TENM3: variants seen among roughly 807,000 people sequenced by gnomAD.
The protein encoded by TENM3 is teneurin transmembrane protein 3.
In TENM3, 63 loss-of-function variants were observed where a neutral mutation model predicts 255.1. The ratio of observed to expected loss-of-function variants is 0.25; its 90% CI spans 0.20 to 0.30. TENM3 has a LOEUF of 0.30. Among genes scored for constraint, TENM3 ranks in the 10% least tolerant of loss-of-function variants. The pLI, the probability that TENM3 is intolerant of heterozygous loss-of-function variation, is 1.00. For missense variants in TENM3, 2,929 were observed against 3,461.1 expected (o/e 0.85, Z 3.86); for synonymous variants, 1,306 against 1,322.3 (o/e 0.99, Z 0.27).
chr4:182,185,659 A>G (rs1425534420), intron 1 of TENM3, among the ~76,000 whole-genome samples: 3 of 152,200 alleles, frequency 2.0e-5, no homozygotes, highest in African/African-American at 7.2e-5. Context: ...AAAGTAGCAC[A>G]GAGCACTGTA....
At chr4:182,132,299 G>A in the TENM3 span, among the ~76,000 whole-genome samples, 2 of 151,616 alleles carry the variant, frequency 1.3e-5, no homozygotes, top group African/African-American at 2.4e-5. Context: ...CCAACATGGT[G>A]AAACCCCGTC....
intron 26 of TENM3, among the ~76,000 whole-genome samples, chr4:182,796,321 G>C (rs995165486): frequency 1.3e-5 from 2 of 152,188 alleles, no homozygotes; most frequent in African/African-American, 4.8e-5. Flanking sequence ...TCTCTCTCCT[G>C]CTGCTGTGCA....
intron 24 of TENM3, among the ~76,000 whole-genome samples, chr4:182,780,691 T>C (rs1046102807): frequency 6.6e-6 from 1 of 150,410 alleles, no homozygotes; most frequent in African/African-American, 2.5e-5. Context: ...CCCATGAGCA[T>C]GGAATGTTCT....
chr4:181,657,225 A>C, the TENM3 span, among the ~76,000 whole-genome samples: 1 of 152,236 alleles, frequency 6.6e-6, no homozygotes, highest in African/African-American at 2.4e-5. Context: ...CTGTGGCCAC[A>C]TGAATTTGGG....
At chr4:182,608,981 GC>G (rs1748711949) in intron 4 of TENM3, among the ~76,000 whole-genome samples, 1 of 151,904 alleles carries the variant, frequency 6.6e-6, no homozygotes, top group South Asian at 2.1e-4. Flanking sequence ...GTCGTGGGTG[GC>G]CCCAAGCAAG....
the TENM3 span, among the ~76,000 whole-genome samples, chr4:181,896,666 G>A: frequency 6.6e-6 from 1 of 152,110 alleles, no homozygotes; most frequent in East Asian, 1.9e-4. Context: ...TGACCACTGG[G>A]GTGTATTTGA....
chr4:182,200,656 C>T (rs1232450640), intron 1 of TENM3, among the ~76,000 whole-genome samples: 1 of 152,088 alleles, frequency 6.6e-6, no homozygotes, highest in Non-Finnish European at 1.5e-5. Flanking sequence ...AAATTAGCTC[C>T]TGGCATGGAA....
At chr4:181,641,550 G>GTATATATA in the TENM3 span, among the ~76,000 whole-genome samples, 40 of 49,020 alleles carry the variant, frequency 8.2e-4, 1 homozygote, top group African/African-American at 4.3e-3. Context: ...TCCATGGTGT[G>GTATATATA]TGTGTATATA....
intron 1 of TENM3, among the ~76,000 whole-genome samples, chr4:182,233,403 A>G (rs1407660674): frequency 6.6e-6 from 1 of 152,226 alleles, no homozygotes; most frequent in Non-Finnish European, 1.5e-5. Flanking sequence ...GACGTATGCT[A>G]CAATTTCAGT....
the TENM3 span, among the ~76,000 whole-genome samples, chr4:181,588,335 A>T: frequency 2.0e-5 from 3 of 152,182 alleles, no homozygotes; most frequent in Admixed American, 6.5e-5. Flanking sequence ...TTTTGAAAGG[A>T]TTCGTTGACA....
the TENM3 span, among the ~76,000 whole-genome samples, chr4:181,591,695 C>T: frequency 6.6e-6 from 1 of 152,152 alleles, no homozygotes; most frequent in Non-Finnish European, 1.5e-5. Flanking sequence ...GGAGCACGAG[C>T]CCTATTGCAG....
chr4:181,649,435 T>A, the TENM3 span, among the ~76,000 whole-genome samples: 1 of 152,230 alleles, frequency 6.6e-6, no homozygotes, highest in African/African-American at 2.4e-5. Context: ...AATGACTATT[T>A]CTGTATCGGC....
chr4:182,631,070 C>CT (rs932559839), intron 5 of TENM3, among the ~76,000 whole-genome samples: 32 of 150,858 alleles, frequency 2.1e-4, no homozygotes, highest in Admixed American at 4.6e-4. Flanking sequence ...CAAAATTTTC[C>CT]TTTTTTTTTC....
At chr4:182,366,437 T>A (rs1766435707) in intron 3 of TENM3, among the ~76,000 whole-genome samples, 1 of 151,918 alleles carries the variant, frequency 6.6e-6, no homozygotes. Context: ...ATTATATAGA[T>A]TACATTTAAT....
the TENM3 span, among the ~76,000 whole-genome samples, chr4:181,529,907 C>A: frequency 7.2e-5 from 11 of 152,168 alleles, no homozygotes; most frequent in Non-Finnish European, 1.3e-4. Context: ...ATACAAACTT[C>A]CTATGTGGCC....
chr4:182,354,010 T>A (rs1765362617), intron 3 of TENM3, among the ~76,000 whole-genome samples: 1 of 151,606 alleles, frequency 6.6e-6, no homozygotes, highest in Admixed American at 6.6e-5. Context: ...TCCTAAAAAA[T>A]TTAGTATTAT....
chr4:181,551,848 G>A, the TENM3 span, among the ~76,000 whole-genome samples: 226 of 17,908 alleles, frequency 0.013, 1 homozygote, highest in African/African-American at 0.033. Flanking sequence ...ATGTGTGTGT[G>A]TGTGTGTGTG....
rs545957530 is a variant in TENM3 at position 182,331,726 on chromosome 4, G to T, written c.232+7474G>T. Among the ~76,000 whole-genome samples, 11 of 152,246 alleles carry T rather than the reference G, an allele frequency of 7.2e-5. No individual in the cohort carries two copies. The South Asian group carries it at 2.1e-3, about 29-fold the overall frequency. On this transcript the variant is annotated intron_variant, in intron 2 of 27. Coordinates refer to ENST00000511685, the MANE Select transcript of TENM3 (RefSeq NM_001080477.4). ...GAATGGCAGTATTAATATCAGGAAA[G>T]ATGGAATTTATGATGAAAAACTCTC... is the stretch of plus-strand genomic sequence containing the variant.
At chr4:181,919,208 G>T in the TENM3 span, among the ~76,000 whole-genome samples, 2 of 152,176 alleles carry the variant, frequency 1.3e-5, no homozygotes, top group African/African-American at 4.8e-5. Context: ...AGGACTTAAG[G>T]GTAGCCACCC....
Sources: allele counts gnomAD v4.1 joint callset (sites outside exome capture counted in the v4.1 genomes callset), GRCh38; gene constraint gnomAD v4.1.1; transcripts MANE v1.5; gene names NCBI Gene and HGNC (gene_info 2026-07-23, HGNC 2026-07-21).